The following TSPAN18 variants were observed in gnomAD, a reference collection of about 807,000 sequenced individuals.
TSPAN18 encodes tetraspanin-18.
A neutral mutation model predicts 27.3 loss-of-function variants in TSPAN18; 14 were observed. The ratio of observed to expected loss-of-function variants is 0.51; its 90% CI spans 0.34 to 0.80. The LOEUF (loss-of-function observed/expected upper bound fraction) is 0.80, where lower values mean the gene tolerates loss of function less well. Among genes scored for constraint, TSPAN18 ranks in the 30% least tolerant of loss-of-function variants. The probability of loss-of-function intolerance (pLI) is 0.01; values close to 1 mark genes in which losing one functional copy is unlikely to be tolerated. For missense variants in TSPAN18, 268 were observed against 323.9 expected (o/e 0.83, Z 1.32); for synonymous variants, 143 against 136.5 (o/e 1.05, Z -0.33).
intron 4 of TSPAN18, 87 bp downstream of exon 4, chr11:44,906,566 GGGGCGAGCACA>G: frequency 7.5e-7 from 1 of 1,335,860 alleles, no homozygotes; most frequent in East Asian, 2.3e-5. Flanking sequence ...CTGAGTCCCT[GGGGCGAGCACA>G]GGGGCCGGCG....
chr11:44,836,205 A>G (rs1857260800), intron 2 of TSPAN18, among the ~76,000 whole-genome samples: 1 of 152,242 alleles, frequency 6.6e-6, no homozygotes, highest in Admixed American at 6.5e-5. Flanking sequence ...TTCTTGCACT[A>G]GTTAACTAAG....
chr11:44,858,604 C>T (rs546879924), intron 2 of TSPAN18, among the ~76,000 whole-genome samples: 3 of 152,292 alleles, frequency 2.0e-5, no homozygotes, highest in Admixed American at 1.3e-4. Context: ...GTGAAGACTC[C>T]CCCCTCCATG....
At position 44,782,626 on chromosome 11, in the gene TSPAN18, C is replaced by A. The variant is rs557451768; in HGVS notation, c.-153+18114C>A. Among the ~76,000 whole-genome samples the A allele has an allele frequency of 2.0e-5, 3 of 151,966 alleles. No homozygotes were observed. In the South Asian group the frequency reaches 6.2e-4, roughly 32 times the overall value. On this transcript the variant is annotated intron_variant, in intron 2 of 9. Transcript: ENST00000520358. ...TGCTTGTATTGTTTTTCACTCCCAT[C>A]AGCTGTGTACTAGAGTTCCAGTTTC...
At chr11:44,885,595 C>T (rs552213853) in intron 3 of TSPAN18, among the ~76,000 whole-genome samples, 369 of 152,246 alleles carry the variant, frequency 2.4e-3, no homozygotes, top group Non-Finnish European at 3.8e-3. Flanking sequence ...CCCTGAAGCA[C>T]ATCTTTCTTT....
intron 2 of TSPAN18, among the ~76,000 whole-genome samples, chr11:44,831,550 G>A (rs974055765): frequency 6.6e-6 from 1 of 152,102 alleles, no homozygotes; most frequent in African/African-American, 2.4e-5. Context: ...TTGTTTACAC[G>A]GCCCCTTCAC....
intron 2 of TSPAN18, among the ~76,000 whole-genome samples, chr11:44,792,593 C>T (rs1171255314): frequency 5.9e-5 from 9 of 152,188 alleles, no homozygotes; most frequent in Admixed American, 5.9e-4. Context: ...GGTGGGAATT[C>T]AGAAAGGAGC....
intron 1 of TSPAN18, among the ~76,000 whole-genome samples, chr11:44,753,866 C>T (rs567662006): frequency 6.8e-4 from 104 of 152,326 alleles, no homozygotes; most frequent in African/African-American, 2.2e-3. Context: ...CCACTACTCC[C>T]ATCTCTAATT....
intron 3 of TSPAN18, among the ~76,000 whole-genome samples, chr11:44,895,708 A>C (rs939369138): frequency 1.4e-5 from 2 of 148,146 alleles, no homozygotes; most frequent in African/African-American, 5.0e-5. Context: ...GACATTCCCC[A>C]GAGTTCAGCA....
intron 1 of TSPAN18, among the ~76,000 whole-genome samples, chr11:44,739,793 A>C (rs370555106): frequency 1.6e-5 from 2 of 124,350 alleles, no homozygotes; most frequent in Admixed American, 8.2e-5. Context: ...GGCTGCTCCT[A>C]TGGGTTTTTC....
intron 2 of TSPAN18, among the ~76,000 whole-genome samples, chr11:44,816,459 A>G (rs897324911): frequency 1.3e-5 from 2 of 152,186 alleles, no homozygotes; most frequent in Non-Finnish European, 2.9e-5. Flanking sequence ...ATCAGAGAAT[A>G]ATAGCAGCTG....
At chr11:44,740,523 TG>T (rs1267587145) in intron 1 of TSPAN18, among the ~76,000 whole-genome samples, 1 of 152,070 alleles carries the variant, frequency 6.6e-6, no homozygotes, top group African/African-American at 2.4e-5. Context: ...GAGATTTCCC[TG>T]GGGGACTCTG....
At chr11:44,758,883 G>A (rs1855388955) in intron 1 of TSPAN18, among the ~76,000 whole-genome samples, 2 of 152,110 alleles carry the variant, frequency 1.3e-5, no homozygotes, top group African/African-American at 2.4e-5. Context: ...TTTCATGCTG[G>A]GGGCTCCTCA....
intron 8 of TSPAN18, among the ~76,000 whole-genome samples, chr11:44,923,227 C>A (rs887408836): frequency 2.6e-5 from 4 of 152,140 alleles, no homozygotes; most frequent in Admixed American, 6.5e-5. Flanking sequence ...GGAAGCATTG[C>A]GTGTGGGTGA....
intron 2 of TSPAN18, among the ~76,000 whole-genome samples, chr11:44,808,929 G>T (rs1359135391): frequency 6.6e-6 from 1 of 152,164 alleles, no homozygotes; most frequent in African/African-American, 2.4e-5. Flanking sequence ...TTTGTGCCTT[G>T]ACTCCTTTCC....
In TSPAN18 at chr11:44,872,875, AG is replaced by A. The variant is rs561066282; in HGVS notation, c.-11+12409del. 3.5e-4 allele frequency among the ~76,000 whole-genome samples: 53 copies of A among 152,312 alleles called. 2 individuals are homozygous for A. In the South Asian group the frequency reaches 0.011, roughly 30 times the overall value. On this transcript the variant is annotated intron_variant, in intron 3 of 9. Coordinates refer to ENST00000520358, the MANE Select transcript of TSPAN18 (RefSeq NM_130783.5). ...AGTGCCACCTGCCCAGCCTGGGCAC[AG>A]GGTGCCTGTGCTTCAGAGGAGATAG...
chr11:44,916,903 C>T (rs974371093), intron 5 of TSPAN18, among the ~76,000 whole-genome samples: 8 of 152,238 alleles, frequency 5.3e-5, no homozygotes, highest in Non-Finnish European at 1.0e-4. Context: ...AGGGCACCAG[C>T]TATGCTGAGT....
intron 8 of TSPAN18, among the ~76,000 whole-genome samples, chr11:44,923,490 T>G (rs1860224470): frequency 6.6e-6 from 1 of 152,072 alleles, no homozygotes; most frequent in South Asian, 2.1e-4. Context: ...TGAAGCAATC[T>G]CCAGGTGTGT....
chr11:44,881,345 G>A (rs889137982), intron 3 of TSPAN18, among the ~76,000 whole-genome samples: 19 of 152,096 alleles, frequency 1.2e-4, no homozygotes, highest in Non-Finnish European at 2.9e-5. Context: ...CAGACCCCTC[G>A]AACCTCAGCC....
intron 2 of TSPAN18, among the ~76,000 whole-genome samples, chr11:44,787,195 A>G (rs980579417): frequency 6.6e-6 from 1 of 152,234 alleles, no homozygotes; most frequent in Non-Finnish European, 1.5e-5. Context: ...AGTGCTTTCT[A>G]TGTGCCACTA....
Sources: gnomAD v4.1 joint callset for allele counts (sites outside exome capture counted in the v4.1 genomes callset) on GRCh38, gnomAD v4.1.1 for gene constraint, MANE v1.5 for transcripts, NCBI Gene and HGNC (gene_info 2026-07-23, HGNC 2026-07-21) for gene names.